The following TENM4 variants were observed in gnomAD, a reference collection of about 807,000 sequenced individuals.
TENM4 encodes the protein teneurin-4.
In TENM4, 82 loss-of-function variants were observed where a neutral mutation model predicts 243.3. The observed-to-expected ratio is 0.34, with a 90% CI of 0.28 to 0.40. The LOEUF is 0.40. TENM4 is among the 10% of genes least tolerant of loss of function. The pLI is 1.00. For synonymous variants in TENM4, 1,412 were observed against 1,456.3 expected (o/e 0.97, Z 0.69); for missense variants, 3,138 against 3,673.3 (o/e 0.85, Z 3.77).
intron 18 of TENM4, among the ~76,000 whole-genome samples, chr11:78,768,891 G>T (rs1856593697): frequency 6.6e-6 from 1 of 152,184 alleles, no homozygotes; most frequent in African/African-American, 2.4e-5. Context: ...TGCTAGGAGG[G>T]CTGGCTCTGA....
Position 79,075,224 on chromosome 11 carries a change from A to G in TENM4, c.-65-5215T>C, listed in dbSNP as rs573216183. Among the ~76,000 whole-genome samples, 173 of 152,338 alleles carry G rather than the reference A, an allele frequency of 1.1e-3. No individual in the cohort carries two copies. In the South Asian group the frequency reaches 0.012, roughly 10 times the overall value. On this transcript the variant is annotated intron_variant, in intron 4 of 33. Coordinates refer to ENST00000278550, the MANE Select transcript of TENM4 (RefSeq NM_001098816.3). ...GTGAATCGGTCCCATTTTATTGATGAAGAGCCTGCGGCTTAGAGAAGTAAA... is the reference window on the plus strand; with the variant it reads ...GTGAATCGGTCCCATTTTATTGATGGAGAGCCTGCGGCTTAGAGAAGTAAA...
At chr11:79,102,627 A>G (rs1861262676) in intron 4 of TENM4, among the ~76,000 whole-genome samples, 1 of 152,230 alleles carries the variant, frequency 6.6e-6, no homozygotes, top group Non-Finnish European at 1.5e-5. Flanking sequence ...GCACACCGTA[A>G]GCACCATGGT....
chr11:79,259,662 C>CATCT (rs1286216094), intron 2 of TENM4, among the ~76,000 whole-genome samples: 2 of 15,206 alleles, frequency 1.3e-4, no homozygotes, highest in Non-Finnish European at 2.9e-4. Flanking sequence ...TCCATCTATC[C>CATCT]ATCCATCCAT....
intron 3 of TENM4, among the ~76,000 whole-genome samples, chr11:79,213,635 A>G (rs535542): frequency 0.64 from 96,837 of 152,098 alleles, 31,875 homozygotes; most frequent in Middle Eastern, 0.79. Flanking sequence ...ATGAGCAGCC[A>G]AGTCTCTTGG....
At chr11:79,262,332 C>G (rs914321796) in intron 2 of TENM4, among the ~76,000 whole-genome samples, 4 of 152,160 alleles carry the variant, frequency 2.6e-5, no homozygotes, top group African/African-American at 9.7e-5. Context: ...TTCACAGGCT[C>G]TATTCACAGA....
chr11:79,055,297 G>A (rs979513019), intron 6 of TENM4, among the ~76,000 whole-genome samples: 1 of 151,696 alleles, frequency 6.6e-6, no homozygotes, highest in East Asian at 1.9e-4. Context: ...GCTGGTGTGC[G>A]GTGGCATGAT....
intron 2 of TENM4, among the ~76,000 whole-genome samples, chr11:79,280,709 C>T (rs1188005518): frequency 6.6e-6 from 1 of 152,084 alleles, no homozygotes; most frequent in Non-Finnish European, 1.5e-5. Flanking sequence ...CTTGAGAGGC[C>T]CCTGGGTATG....
chr11:78,958,991 A>G (rs1050492578), intron 6 of TENM4, among the ~76,000 whole-genome samples: 5 of 152,164 alleles, frequency 3.3e-5, no homozygotes, highest in African/African-American at 1.2e-4. Context: ...GTTTTCTCCC[A>G]TTTCACAGAT....
chr11:78,673,498 C>A (rs1858387798), intron 30 of TENM4, among the ~76,000 whole-genome samples: 1 of 152,076 alleles, frequency 6.6e-6, no homozygotes, highest in Non-Finnish European at 1.5e-5. Flanking sequence ...CCCTCTGGAT[C>A]CCTGTGTGGT....
At chr11:78,685,029 C>A (rs991886509) in intron 29 of TENM4, among the ~76,000 whole-genome samples, 2 of 152,126 alleles carry the variant, frequency 1.3e-5, no homozygotes, top group South Asian at 2.1e-4. Flanking sequence ...AGGCCCCCCC[C>A]ACTCCCTCCT....
intron 18 of TENM4, among the ~76,000 whole-genome samples, chr11:78,768,451 T>G (rs1856583823): frequency 6.6e-6 from 1 of 152,212 alleles, no homozygotes; most frequent in South Asian, 2.1e-4. Flanking sequence ...GGATGCTCCT[T>G]TATCCTGGCA....
At chr11:79,155,901 C>G (rs1862604758) in intron 3 of TENM4, among the ~76,000 whole-genome samples, 1 of 151,734 alleles carries the variant, frequency 6.6e-6, no homozygotes, top group African/African-American at 2.4e-5. Flanking sequence ...GTTCCTTGAC[C>G]CTCATTTCTT....
At chr11:78,868,692 A>G (rs1304530110) in intron 9 of TENM4, among the ~76,000 whole-genome samples, 1 of 152,198 alleles carries the variant, frequency 6.6e-6, no homozygotes, top group Non-Finnish European at 1.5e-5. Flanking sequence ...AGGAGTCACC[A>G]ATATCAGTAC....
intron 4 of TENM4, among the ~76,000 whole-genome samples, chr11:79,114,935 A>G (rs11237718): frequency 0.25 from 37,782 of 152,098 alleles, 4,912 homozygotes; most frequent in East Asian, 0.33. Flanking sequence ...GCACATGTTT[A>G]TTAAGCATCT....
intron 3 of TENM4, among the ~76,000 whole-genome samples, chr11:79,214,073 C>T (rs1243304360): frequency 6.6e-6 from 1 of 151,904 alleles, no homozygotes; most frequent in Non-Finnish European, 1.5e-5. Context: ...CTCACTGCAA[C>T]TTCTGCCTCC....
At chr11:78,731,373 T>C (rs903377138) in intron 21 of TENM4, among the ~76,000 whole-genome samples, 1 of 152,246 alleles carries the variant, frequency 6.6e-6, no homozygotes, top group African/African-American at 2.4e-5. Flanking sequence ...AATGATTGTA[T>C]GTCCTTCTTG....
chr11:78,668,996 T>C lies in TENM4; in HGVS notation c.7349A>G (p.Tyr2450Cys). 1 of 1,613,952 alleles carries C rather than the reference T, an allele frequency of 6.2e-7. No homozygotes were observed. The highest frequency in any genetic ancestry group is 8.5e-7 in the Non-Finnish European group (1 of 1,179,898). ...SSSNVMPFNLYMFKNNNPISN... is the reference protein window; with the variant it reads ...SSSNVMPFNLCMFKNNNPISN... ...GATGGGGTTGTTGTTTTTGAACATA[T>C]AGAGATTAAAAGGCATGACGTTGCT... is the stretch of plus-strand genomic sequence containing the variant. Residue 2450 changes from tyrosine to cysteine, a missense_variant, in exon 32 of 34, where the codon TAT becomes TGT. By Grantham distance (194) the Tyr-to-Cys change is radical (BLOSUM62 -2). Coordinates refer to ENST00000278550, the MANE Select transcript of TENM4 (RefSeq NM_001098816.3).
intron 3 of TENM4, among the ~76,000 whole-genome samples, chr11:79,154,808 C>T (rs1004988886): frequency 6.6e-6 from 1 of 152,084 alleles, no homozygotes; most frequent in African/African-American, 2.4e-5. Context: ...TGCCTATCTC[C>T]CCAGCTAGAA....
intron 10 of TENM4, among the ~76,000 whole-genome samples, chr11:78,857,633 C>T (rs1005215252): frequency 6.6e-6 from 1 of 152,138 alleles, no homozygotes; most frequent in Non-Finnish European, 1.5e-5. Flanking sequence ...AAAATGTGCA[C>T]TATCAATAAA....
Sources: allele counts gnomAD v4.1 joint callset (sites outside exome capture counted in the v4.1 genomes callset), GRCh38; gene constraint gnomAD v4.1.1; transcripts MANE v1.5; gene names NCBI Gene and HGNC (gene_info 2026-07-23, HGNC 2026-07-21).